TENM3: variants seen among roughly 807,000 people sequenced by gnomAD.
The protein encoded by TENM3 is teneurin-3.
TENM3 carries 63 observed loss-of-function variants against 255.1 expected under a neutral mutation model. The observed-to-expected ratio is 0.25, with a 90% confidence interval of 0.20 to 0.30. TENM3 has a LOEUF of 0.30. Ranked by LOEUF, TENM3 falls within the 10% of genes least tolerant of loss-of-function variation. The probability of loss-of-function intolerance (pLI) is 1.00; values close to 1 mark genes in which losing one functional copy is unlikely to be tolerated. For missense variants in TENM3, 2,929 were observed against 3,461.1 expected, an observed-to-expected ratio of 0.85 and a Z score of 3.86; for synonymous variants, 1,306 against 1,322.3, an observed-to-expected ratio of 0.99 and a Z score of 0.27.
chr4:182,545,411 T>C (rs1395288361), intron 3 of TENM3, among the ~76,000 whole-genome samples: 3 of 151,996 alleles, frequency 2.0e-5, no homozygotes, highest in Non-Finnish European at 1.5e-5. Flanking sequence ...CCACTCTCCA[T>C]TACCTCTTGC....
At chr4:181,961,448 T>C in the TENM3 span, among the ~76,000 whole-genome samples, 1 of 152,068 alleles carries the variant, frequency 6.6e-6, no homozygotes, top group East Asian at 1.9e-4. Context: ...TGAGATGGAG[T>C]CTCACTCTGT....
chr4:181,839,490 AATAT>A, the TENM3 span, among the ~76,000 whole-genome samples: 1 of 147,188 alleles, frequency 6.8e-6, no homozygotes, highest in Non-Finnish European at 1.5e-5. Context: ...CATTTTATAT[AATAT>A]ATAATACATA....
chr4:181,919,348 G>A, the TENM3 span, among the ~76,000 whole-genome samples: 1 of 145,658 alleles, frequency 6.9e-6, no homozygotes, highest in African/African-American at 2.6e-5. Context: ...ACCATCATCA[G>A]GTTCCTCCCC....
At chr4:182,698,534 C>T (rs1040123862) in intron 12 of TENM3, among the ~76,000 whole-genome samples, 9 of 152,292 alleles carry the variant, frequency 5.9e-5, no homozygotes, top group Admixed American at 5.2e-4. Context: ...GCTGTGTAAC[C>T]GTCAGGAAAA....
At chr4:181,889,213 G>T in the TENM3 span, among the ~76,000 whole-genome samples, 1 of 152,092 alleles carries the variant, frequency 6.6e-6, no homozygotes, top group African/African-American at 2.4e-5. Flanking sequence ...CCCTCATGAG[G>T]GGCTTAGCAC....
intron 3 of TENM3, among the ~76,000 whole-genome samples, chr4:182,354,334 GTTTTTGATA>G (rs1191744467): frequency 6.6e-6 from 1 of 152,132 alleles, no homozygotes; most frequent in East Asian, 1.9e-4. Flanking sequence ...TTTTGAATGT[GTTTTTGATA>G]TCCTTGAAAA....
chr4:181,748,529 C>T, the TENM3 span, among the ~76,000 whole-genome samples: 1 of 152,018 alleles, frequency 6.6e-6, no homozygotes, highest in African/African-American at 2.4e-5. Context: ...TTACTAATTC[C>T]TAACACAAAA....
chr4:181,975,291 C>T, the TENM3 span: 3 of 152,092 alleles, frequency 2.0e-5, no homozygotes, highest in Non-Finnish European at 2.9e-5. Context: ...GCAAGCACCA[C>T]CAAGCCTGGC....
chr4:181,551,807 A>AATATATATATATATAT, the TENM3 span, among the ~76,000 whole-genome samples: 1 of 140,968 alleles, frequency 7.1e-6, no homozygotes, highest in African/African-American at 2.7e-5. Flanking sequence ...GGCAGTTAAT[A>AATATATATATATATAT]ATATATATAT....
the TENM3 span, among the ~76,000 whole-genome samples, chr4:181,907,538 C>T: frequency 6.6e-6 from 1 of 152,300 alleles, no homozygotes; most frequent in Admixed American, 6.5e-5. Flanking sequence ...GTTGTAAATC[C>T]TGGCCAGAGT....
intron 3 of TENM3, among the ~76,000 whole-genome samples, chr4:182,502,937 A>G (rs1425191027): frequency 2.3e-5 from 1 of 43,756 alleles, no homozygotes; most frequent in Non-Finnish European, 4.3e-5. Flanking sequence ...TTTTTTTTTT[A>G]CTTACCTGCA....
At chr4:181,611,557 T>C in the TENM3 span, among the ~76,000 whole-genome samples, 1 of 152,176 alleles carries the variant, frequency 6.6e-6, no homozygotes, top group Admixed American at 6.6e-5. Flanking sequence ...ATGACTCGTC[T>C]TGTATTACAC....
At position 182,628,751 on chromosome 4, in the gene TENM3, C is replaced by G. The variant is rs1243518663; in HGVS notation, c.850C>G (p.Arg284Gly). The change falls in exon 5 of 28, where the codon CGG becomes GGG. Residue 284 changes from arginine (R) to glycine (G), a missense_variant. Around this residue, in one of 6 missense-constraint regions of TENM3, gnomAD observed 1,608 missense variants for 1,884.4 expected, o/e 0.85. Transcript: ENST00000511685. Reference protein sequence around the residue: ...ASGSVYSPPTRPLPRNTLSRS... With the variant: ...ASGSVYSPPTGPLPRNTLSRS... ...TGGCTCTGTTTATTCACCACCTACT[C>G]GGCCACTACCTAGAAACACCCTATC... 6.2e-7 allele frequency: 1 copy of G among 1,609,498 alleles called. No individual in the cohort carries two copies.
chr4:182,628,874 C>T lies in TENM3; in HGVS notation c.973C>T (p.Leu325=). 6.3e-7 allele frequency: 1 copy of T among 1,594,636 alleles called. No homozygotes were observed. The highest frequency in any genetic ancestry group is 8.6e-7 in the Non-Finnish European group (1 of 1,168,222). The change falls in exon 5 of 28, where the codon CTG becomes TTG. Residue 325 remains leucine, a synonymous_variant. Coordinates refer to ENST00000511685, the MANE Select transcript of TENM3 (RefSeq NM_001080477.4). ...VGVSVLLAIL[L]SYFIAMHLFG... is the part of the protein sequence containing the mutation. ...GGTCTCGGTGCTCCTGGCAATACTC[C>T]TGTCTTATTTTATAGGTAAGAACAA...
At chr4:181,481,140 A>C in the TENM3 span, among the ~76,000 whole-genome samples, 7 of 151,596 alleles carry the variant, frequency 4.6e-5, no homozygotes, top group Non-Finnish European at 1.5e-5. Context: ...AAAACCTATA[A>C]AAAACTCTCT....
intron 1 of TENM3, among the ~76,000 whole-genome samples, chr4:182,158,579 G>A (rs185988600): frequency 6.6e-6 from 1 of 152,296 alleles, no homozygotes; most frequent in African/African-American, 2.4e-5. Flanking sequence ...CTGCTTTAAA[G>A]CAGAAACCTA....
At chr4:182,635,071 C>A (rs1751734553) in intron 5 of TENM3, among the ~76,000 whole-genome samples, 1 of 152,226 alleles carries the variant, frequency 6.6e-6, no homozygotes, top group Non-Finnish European at 1.5e-5. Context: ...TCTCTGTGCA[C>A]TGCTAGGCAG....
chr4:181,795,583 A>T, the TENM3 span, among the ~76,000 whole-genome samples: 3 of 152,184 alleles, frequency 2.0e-5, no homozygotes, highest in Non-Finnish European at 4.4e-5. Context: ...TCAAGGTATG[A>T]TCAATACCAG....
chr4:182,141,472 A>C (rs1432221983), upstream of TENM3: 1 of 151,122 alleles, frequency 6.6e-6, no homozygotes, highest in Non-Finnish European at 1.5e-5. Context: ...AACGGCCTCA[A>C]ATGATGGAAC....
Sources: allele counts gnomAD v4.1 joint callset (sites outside exome capture counted in the v4.1 genomes callset), GRCh38; gene constraint gnomAD v4.1.1; regional missense constraint gnomAD v4.1.1; transcripts MANE v1.5; gene names NCBI Gene and HGNC (gene_info 2026-07-23, HGNC 2026-07-21).